The following UNC79 variants were observed in gnomAD, a reference collection of about 807,000 sequenced individuals.
UNC79 encodes unc-79 subunit of NALCN channel complex.
In UNC79, 37 loss-of-function variants were observed where a neutral mutation model predicts 283.1. That is an observed-to-expected ratio of 0.13 (90% CI 0.10 to 0.17). UNC79 has a LOEUF of 0.17. UNC79 is among the 10% of genes least tolerant of loss of function. UNC79 has a pLI of 1.00. For missense variants in UNC79, 2,272 were observed against 3,211.1 expected, an observed-to-expected ratio of 0.71 and a Z score of 7.07; for synonymous variants, 1,107 against 1,200.2, an observed-to-expected ratio of 0.92 and a Z score of 1.61.
At chr14:93,404,937 G>A (rs946424442) in intron 1 of UNC79, among the ~76,000 whole-genome samples, 1 of 151,850 alleles carries the variant, frequency 6.6e-6, no homozygotes, top group Admixed American at 6.6e-5. Context: ...TTAGAATTTA[G>A]GGCAAAATCA....
At chr14:93,504,097 T>TA (rs1186583934) in intron 7 of UNC79, among the ~76,000 whole-genome samples, 8 of 152,106 alleles carry the variant, frequency 5.3e-5, no homozygotes, top group African/African-American at 1.7e-4. Flanking sequence ...GTCTCTGGAT[T>TA]CTTAGTTCAA....
chr14:93,540,577 C>T (rs533124079), intron 12 of UNC79, 83 bp from the exon 13 acceptor site: 27 of 1,482,682 alleles, frequency 1.8e-5, no homozygotes, highest in African/African-American at 1.4e-4. Context: ...CTTGAGTACT[C>T]GTGAGGTACT....
At chr14:93,493,572 T>G (rs1390769346) in intron 5 of UNC79, among the ~76,000 whole-genome samples, 3 of 152,114 alleles carry the variant, frequency 2.0e-5, no homozygotes, top group African/African-American at 7.2e-5. Context: ...GAAAGCTATT[T>G]AGGAAGTAAA....
At chr14:93,613,468 T>A (rs969120245) in intron 27 of UNC79, among the ~76,000 whole-genome samples, 2 of 126,782 alleles carry the variant, frequency 1.6e-5, no homozygotes, top group Non-Finnish European at 3.3e-5. Flanking sequence ...CAGGCTGGAG[T>A]GCAGTGGCGT....
At chr14:93,672,158 A>G (rs540745280) in intron 40 of UNC79, among the ~76,000 whole-genome samples, 4 of 152,216 alleles carry the variant, frequency 2.6e-5, no homozygotes, top group African/African-American at 4.8e-5. Context: ...TACCTGTCCT[A>G]TGATTCAACA....
intron 40 of UNC79, among the ~76,000 whole-genome samples, chr14:93,668,325 G>T (rs1468540414): frequency 1.3e-5 from 2 of 152,130 alleles, no homozygotes; most frequent in Non-Finnish European, 2.9e-5. Flanking sequence ...TGAATACCCA[G>T]AAATCACCAA....
chr14:93,391,405 C>G (rs1014984602), intron 1 of UNC79, among the ~76,000 whole-genome samples: 2 of 152,126 alleles, frequency 1.3e-5, no homozygotes, highest in Non-Finnish European at 2.9e-5. Context: ...GCATATTATC[C>G]TGACTTTGGG....
chr14:93,418,444 C>T, intron 1 of UNC79, among the ~76,000 whole-genome samples: 1 of 151,696 alleles, frequency 6.6e-6, no homozygotes, highest in Non-Finnish European at 1.5e-5. Context: ...GGGGTGCCTC[C>T]CAGTTAGGCT....
rs374088349 is a variant in UNC79 at position 93,486,656 on chromosome 14, G to GAAAAAAAAAA, written c.620-1007_620-1006insAAAAAAAAAA. On this transcript the variant is annotated intron_variant, in intron 4 of 48. Transcript: ENST00000555664. ...GCAACAAGAGTGAGACTCTGTCTAA[G>GAAAAAAAAAA]GAAAAAAAAAAAAAAAAAAAAAGAA... 2.7e-4 allele frequency among the ~76,000 whole-genome samples: 21 copies of GAAAAAAAAAA among 78,402 alleles called. 2 individuals carry two copies. The highest frequency in any genetic ancestry group is 5.9e-4 in the East Asian group (1 of 1,706). The allele number at this position is 78,402 out of a possible 152,430, so 51.4% of individuals were successfully genotyped here. A position where few individuals can be genotyped will look rare whatever the true frequency, so the allele number is the denominator to read the frequency against.
intron 47 of UNC79, among the ~76,000 whole-genome samples, chr14:93,699,079 C>T (rs527406049): frequency 6.6e-6 from 1 of 152,156 alleles, no homozygotes; most frequent in East Asian, 1.9e-4. Context: ...TGTATTTAAA[C>T]TGCATTTCTT....
chr14:93,606,444 G>T (rs2065894370), intron 26 of UNC79, among the ~76,000 whole-genome samples: 1 of 152,108 alleles, frequency 6.6e-6, no homozygotes, highest in Non-Finnish European at 1.5e-5. Flanking sequence ...TTCCATTTTT[G>T]CATTATTATT....
At chr14:93,650,964 AT>A (rs1246213146) in intron 35 of UNC79, among the ~76,000 whole-genome samples, 1 of 150,550 alleles carries the variant, frequency 6.6e-6, no homozygotes, top group African/African-American at 2.5e-5. Flanking sequence ...ATTTTTATGT[AT>A]GGTGTGAGGC....
At chr14:93,497,314 C>T in intron 7 of UNC79, 28 bp downstream of exon 7, 1 of 1,603,030 alleles carries the variant, frequency 6.2e-7, no homozygotes, top group African/African-American at 1.3e-5. Context: ...CTGTGATGCC[C>T]CATCTGTATT....
intron 20 of UNC79, among the ~76,000 whole-genome samples, chr14:93,583,387 C>A (rs1429105747): frequency 1.3e-5 from 2 of 151,952 alleles, no homozygotes; most frequent in Non-Finnish European, 2.9e-5. Flanking sequence ...TATCAGGAGG[C>A]ATGGGCTTGG....
chr14:93,448,984 C>T (rs1307355229), intron 1 of UNC79, among the ~76,000 whole-genome samples: 1 of 152,232 alleles, frequency 6.6e-6, no homozygotes, highest in Non-Finnish European at 1.5e-5. Context: ...CTGGGCCCCA[C>T]AGTACCTGTT....
At chr14:93,622,444 C>T (rs1488622655) in exon 30 of UNC79, 2 of 1,614,154 alleles carry the variant, frequency 1.2e-6, no homozygotes, top group Non-Finnish European at 1.7e-6. Flanking sequence ...AGTTCTCCTG[C>T]GGTAGCCCAC....
chr14:93,613,239 A>T (rs918348913), intron 27 of UNC79, among the ~76,000 whole-genome samples, 156 bp downstream of exon 28: 5 of 151,966 alleles, frequency 3.3e-5, no homozygotes, highest in African/African-American at 1.2e-4. Context: ...GAACATTAGT[A>T]AGAATTGGGA....
At chr14:93,505,307 G>T (rs974748614) in intron 7 of UNC79, among the ~76,000 whole-genome samples, 3 of 151,996 alleles carry the variant, frequency 2.0e-5, no homozygotes, top group Admixed American at 1.3e-4. Context: ...TTGTAGTTCT[G>T]TCAATGTTTG....
intron 5 of UNC79, among the ~76,000 whole-genome samples, chr14:93,493,901 A>ATATTTTTTTT (rs1251701550): frequency 2.4e-4 from 12 of 49,252 alleles, no homozygotes; most frequent in African/African-American, 5.4e-4. Flanking sequence ...ATATATATAT[A>ATATTTTTTTT]TTTTTTTTTT....
Sources: gnomAD v4.1 joint callset for allele counts (sites outside exome capture counted in the v4.1 genomes callset) on GRCh38, gnomAD v4.1.1 for gene constraint, MANE v1.5 for transcripts, NCBI Gene and HGNC (gene_info 2026-07-23, HGNC 2026-07-21) for gene names.